The following TOP6BL variants were observed in gnomAD, a reference collection of about 807,000 sequenced individuals.
TOP6BL encodes type 2 DNA topoisomerase 6 subunit B-like.
the TOP6BL span, among the ~76,000 whole-genome samples, chr11:66,839,512 G>C: frequency 6.6e-6 from 1 of 151,970 alleles, no homozygotes; most frequent in Admixed American, 6.5e-5. Context: ...CAGCACCTAT[G>C]CTTGGTTGGT....
At chr11:66,843,354 G>A in the TOP6BL span, 1 of 1,461,272 alleles carries the variant, frequency 6.8e-7, no homozygotes. Flanking sequence ...TCCGCGTCGG[G>A]CCCGGGCGGG....
the TOP6BL span, among the ~76,000 whole-genome samples, chr11:66,784,925 CT>C: frequency 7.9e-6 from 1 of 127,156 alleles, no homozygotes; most frequent in Non-Finnish European, 1.7e-5. Context: ...AATTTCTTTT[CT>C]TTTTTTTGTA....
the TOP6BL span, among the ~76,000 whole-genome samples, chr11:66,810,684 A>G: frequency 6.6e-6 from 1 of 152,228 alleles, no homozygotes; most frequent in Non-Finnish European, 1.5e-5. Flanking sequence ...GGTGAACATT[A>G]CAGTAGCTAC....
the TOP6BL span, chr11:66,822,457 A>G: frequency 2.9e-6 from 2 of 680,982 alleles, no homozygotes; most frequent in Non-Finnish European, 5.1e-6. Flanking sequence ...ATGGATAGGA[A>G]GAATTGTTGA....
chr11:66,814,795 G>A, the TOP6BL span, among the ~76,000 whole-genome samples: 3 of 152,168 alleles, frequency 2.0e-5, no homozygotes, highest in Admixed American at 1.3e-4. Context: ...AAGTTAAAAC[G>A]CATACAAATG....
chr11:66,786,915 T>G, the TOP6BL span, among the ~76,000 whole-genome samples: 1 of 151,806 alleles, frequency 6.6e-6, no homozygotes, highest in African/African-American at 2.4e-5. Flanking sequence ...CCATTAAGAT[T>G]GATAGCTACA....
At chr11:66,762,277 G>A in the TOP6BL span, 2 of 483,196 alleles carry the variant, frequency 4.1e-6, no homozygotes, top group East Asian at 4.1e-5. Context: ...CAGCCTGAAG[G>A]GCGGGCGCAC....
the TOP6BL span, among the ~76,000 whole-genome samples, chr11:66,842,497 T>G: frequency 6.6e-6 from 1 of 152,160 alleles, no homozygotes; most frequent in African/African-American, 2.4e-5. Flanking sequence ...GAGACAGAAC[T>G]GAGGCCAGAA....
At chr11:66,794,609 A>G in the TOP6BL span, among the ~76,000 whole-genome samples, 4 of 152,210 alleles carry the variant, frequency 2.6e-5, no homozygotes, top group East Asian at 1.9e-4. Context: ...TATAAATAAG[A>G]TACCTTAGCA....
At chr11:66,748,546 A>G in the TOP6BL span, 11 of 1,491,530 alleles carry the variant, frequency 7.4e-6, no homozygotes, top group Middle Eastern at 1.9e-4. Context: ...AATATTTTCT[A>G]TCTCTTTTGT....
the TOP6BL span, among the ~76,000 whole-genome samples, chr11:66,762,860 G>A: frequency 6.6e-6 from 1 of 152,146 alleles, no homozygotes; most frequent in African/African-American, 2.4e-5. Context: ...CAAATATATA[G>A]GAAACAATTC....
chr11:66,836,439 G>T, the TOP6BL span, among the ~76,000 whole-genome samples: 3 of 151,758 alleles, frequency 2.0e-5, no homozygotes, highest in Non-Finnish European at 4.4e-5. Flanking sequence ...TCAATCTCCT[G>T]ATTTTGTGAT....
At chr11:66,812,734 G>A in the TOP6BL span, among the ~76,000 whole-genome samples, 2 of 152,330 alleles carry the variant, frequency 1.3e-5, no homozygotes, top group East Asian at 1.9e-4. Context: ...GGACAAGAAA[G>A]GTTAAGCAGT....
the TOP6BL span, among the ~76,000 whole-genome samples, chr11:66,836,682 G>A: frequency 2.1e-5 from 3 of 141,008 alleles, no homozygotes; most frequent in South Asian, 7.3e-4. Flanking sequence ...GTGAGACCTC[G>A]TCACTACAGA....
At chr11:66,842,894 C>A in the TOP6BL span, 1 of 1,575,150 alleles carries the variant, frequency 6.3e-7, no homozygotes, top group East Asian at 2.4e-5. Context: ...AGGGGCAGCC[C>A]CCGCATAGAG....
the TOP6BL span, chr11:66,842,797 C>A: frequency 6.7e-7 from 1 of 1,483,834 alleles, no homozygotes; most frequent in Non-Finnish European, 9.0e-7. Context: ...GCCAAGGGTG[C>A]TCCTAGCACA....
At chr11:66,819,884 CAA>C in the TOP6BL span, among the ~76,000 whole-genome samples, 1 of 124,558 alleles carries the variant, frequency 8.0e-6, no homozygotes, top group Non-Finnish European at 1.6e-5. Context: ...GCTCGGGCAA[CAA>C]GAGCAAAACT....
chr11:66,780,869 A>G, the TOP6BL span, among the ~76,000 whole-genome samples: 1 of 152,018 alleles, frequency 6.6e-6, no homozygotes, highest in Non-Finnish European at 1.5e-5. Context: ...GGCATGAGCC[A>G]CCGCGCGTGG....
the TOP6BL span, among the ~76,000 whole-genome samples, chr11:66,745,857 C>G: frequency 6.6e-6 from 1 of 152,222 alleles, no homozygotes; most frequent in Admixed American, 6.5e-5. Context: ...TTCGCCCAGG[C>G]TGGAGTGCAG....
Sources: gnomAD v4.1 joint callset for allele counts (sites outside exome capture counted in the v4.1 genomes callset) on GRCh38, gnomAD v4.1.1 for gene constraint, MANE v1.5 for transcripts, NCBI Gene and HGNC (gene_info 2026-07-23, HGNC 2026-07-21) for gene names.